MAP7D2: variants seen among roughly 807,000 people sequenced by gnomAD.
MAP7D2 encodes the protein MAP7 domain-containing protein 2.
Under a neutral mutation model 63.5 loss-of-function variants are expected in MAP7D2, and 33 were observed. The ratio of observed to expected loss-of-function variants is 0.52; its 90% confidence interval spans 0.39 to 0.70. The LOEUF is 0.70. MAP7D2 is among the 30% of genes least tolerant of loss of function. MAP7D2 has a pLI of 0.00. For synonymous variants in MAP7D2, 224 were observed against 223.7 expected, an observed-to-expected ratio of 1.00 and a Z score of -0.01; for missense variants, 626 against 604.0, an observed-to-expected ratio of 1.04 and a Z score of -0.38.
rs760107993 is a variant in MAP7D2 at position 20,020,070 on chromosome X, C to T, written c.1413-3745G>A. Among the ~76,000 whole-genome samples the T allele has an allele frequency of 5.9e-4, 66 of 112,207 alleles. 1 individual carries two copies. The highest frequency in any genetic ancestry group is 2.1e-3 in the African/African-American group (64 of 30,922). ...GTCATCTTCCTTAGTTGATGCTTAT[C>T]ACCAACTGCTATACAGAGAAGACTG... On this transcript the variant is annotated intron_variant, in intron 10 of 16. Transcript: ENST00000379643.
Position 20,116,735 on chromosome X carries a change from C to G in MAP7D2, c.130+15G>C. 8.6e-7 allele frequency: 1 copy of G among 1,167,224 alleles called. No individual in the cohort carries two copies. The highest frequency in any genetic ancestry group is 1.1e-6 in the Non-Finnish European group (1 of 874,326). The stretch of plus-strand genomic sequence containing the variant: ...CCGAAGCCCTCGGGCGCCCGCCACA[C>G]TCTGGGGATAATACCTTGAGGCCGG... On this transcript the variant is annotated intron_variant, in intron 1 of 16. Transcript: ENST00000379643.
intron 11 of MAP7D2, 51 bp from the exon 12 acceptor site, chrX:20,015,378 G>A: frequency 3.0e-6 from 3 of 1,016,897 alleles, no homozygotes; most frequent in Non-Finnish European, 4.2e-6. Context: ...TAAGAAAACA[G>A]TGTGGTAATT....
At chrX:20,011,394 C>A (rs769164610) in intron 15 of MAP7D2, among the ~76,000 whole-genome samples, 1 of 112,351 alleles carries the variant, frequency 8.9e-6, no homozygotes, top group South Asian at 3.7e-4. Context: ...CTAAATGGGA[C>A]ATTCAGACAG....
At chrX:20,033,460 T>C (rs1010510871) in intron 8 of MAP7D2, among the ~76,000 whole-genome samples, 1 of 112,293 alleles carries the variant, frequency 8.9e-6, no homozygotes, top group Non-Finnish European at 1.9e-5. Flanking sequence ...AACAAAGCTA[T>C]GCTCCATCTA....
chrX:20,035,496 T>C (rs764983335), intron 8 of MAP7D2, among the ~76,000 whole-genome samples: 1 of 112,104 alleles, frequency 8.9e-6, no homozygotes, highest in Non-Finnish European at 1.9e-5. Context: ...AATTAAATTT[T>C]TTTTCTCTAA....
chrX:20,082,000 C>A (rs1013416372), intron 1 of MAP7D2, among the ~76,000 whole-genome samples: 2 of 111,551 alleles, frequency 1.8e-5, no homozygotes, highest in African/African-American at 6.5e-5. Context: ...ATGTGAACTG[C>A]TTGCTCTCCT....
At chrX:20,105,086 T>C (rs756703938) in intron 1 of MAP7D2, among the ~76,000 whole-genome samples, 2 of 111,900 alleles carry the variant, frequency 1.8e-5, no homozygotes, top group Non-Finnish European at 3.8e-5. Flanking sequence ...AACAGGGACA[T>C]AGAGCACTGC....
At chrX:20,050,973 T>A in intron 5 of MAP7D2, 27 bp from the exon 6 acceptor site, 2 of 1,107,462 alleles carry the variant, frequency 1.8e-6, no homozygotes, top group Non-Finnish European at 2.4e-6. Context: ...AATGAAAATT[T>A]TAAAAAGCAA....
chrX:20,087,956 C>T (rs1254531328), intron 1 of MAP7D2, among the ~76,000 whole-genome samples: 1 of 88,871 alleles, frequency 1.1e-5, no homozygotes, highest in Non-Finnish European at 2.1e-5. Flanking sequence ...ATGGCGCTAT[C>T]TCGGGTCACT....
chrX:20,110,939 G>C (rs1316060974), intron 1 of MAP7D2, among the ~76,000 whole-genome samples: 2 of 111,486 alleles, frequency 1.8e-5, no homozygotes, highest in Non-Finnish European at 3.8e-5. Flanking sequence ...AATCTAGGCT[G>C]GCCTTGGGAC....
chrX:20,095,447 G>A (rs2066231682), intron 1 of MAP7D2, among the ~76,000 whole-genome samples: 1 of 111,227 alleles, frequency 9.0e-6, no homozygotes, highest in African/African-American at 3.3e-5. Context: ...GCTGAGGTGG[G>A]AGGATAACTT....
chrX:20,113,918 G>A (rs921556354), intron 1 of MAP7D2, among the ~76,000 whole-genome samples: 4 of 111,564 alleles, frequency 3.6e-5, no homozygotes, highest in Non-Finnish European at 5.7e-5. Flanking sequence ...CAAATACCAG[G>A]CCTTATTAAT....
intron 5 of MAP7D2, among the ~76,000 whole-genome samples, chrX:20,051,561 A>AC (rs2064951497): frequency 9.8e-6 from 1 of 102,542 alleles, no homozygotes; most frequent in Non-Finnish European, 2.0e-5. Flanking sequence ...AAAAACAAAC[A>AC]AAAAAAAAAC....
chrX:20,116,594 G>A, intron 1 of MAP7D2, 156 bp downstream of exon 1: 7 of 975,738 alleles, frequency 7.2e-6, no homozygotes, highest in Non-Finnish European at 9.0e-6. Flanking sequence ...TTGGATGCAC[G>A]TCCGGACGAT....
chrX:20,032,354 A>G lies in MAP7D2; in HGVS notation c.1008-6402T>C, dbSNP rs1043719208. On this transcript the variant is annotated intron_variant, in intron 8 of 16. Coordinates refer to ENST00000379643, the MANE Select transcript of MAP7D2 (RefSeq NM_001168465.2). The stretch of plus-strand genomic sequence containing the variant: ...AGTTAAGTCGCCCTTGTGGGAGCCT[A>G]GTGTGCTGTAGATGCTTATCTGTGG... Among the ~76,000 whole-genome samples, 3 of 111,322 alleles carry G rather than the reference A, an allele frequency of 2.7e-5. No homozygotes were observed. The Admixed American group carries it at 2.9e-4, about 11-fold the overall frequency.
rs760205751 is a variant in MAP7D2, at chrX:20,099,781, C to T, written c.130+16969G>A. On this transcript the variant is annotated intron_variant, in intron 1 of 16. Coordinates refer to ENST00000379643, the MANE Select transcript of MAP7D2 (RefSeq NM_001168465.2). The stretch of plus-strand genomic sequence containing the variant: ...CCTGCAAAGGGTCCAAGATCAGACT[C>T]CCCAGTAGCCAGCTGGAACTGTATT... Among the ~76,000 whole-genome samples, 4 of 112,274 alleles carry T rather than the reference C, an allele frequency of 3.6e-5. No homozygotes were observed. In the East Asian group the frequency reaches 8.4e-4, roughly 24 times the overall value.
At position 20,049,812 on chromosome X, in the gene MAP7D2, G is replaced by A. The variant is rs1173894767; in HGVS notation, c.718+1012C>T. ...TACATTCCCACCAGCAGTGTGTGAG[G>A]GAAGAGTGTCTCCACACCTCCACCA... is the stretch of plus-strand genomic sequence containing the variant. On this transcript the variant is annotated intron_variant, in intron 6 of 16. Transcript: ENST00000379643. 5 of 320,971 alleles carry A rather than the reference G, an allele frequency of 1.6e-5. No individual in the cohort carries two copies. The Admixed American group carries it at 1.6e-4, about 10-fold the overall frequency. The allele number at this position is 320,971 out of a possible 1,213,427, so 26.5% of individuals were successfully genotyped here.
chrX:20,053,466 T>TC (rs1385934037), intron 4 of MAP7D2, among the ~76,000 whole-genome samples: 2 of 112,165 alleles, frequency 1.8e-5, no homozygotes, highest in African/African-American at 6.5e-5. Flanking sequence ...ATGAAATCCG[T>TC]CCTCTCAGAG....
intron 10 of MAP7D2, among the ~76,000 whole-genome samples, chrX:20,017,343 T>C (rs1461075551): frequency 1.8e-5 from 2 of 112,319 alleles, no homozygotes; most frequent in Non-Finnish European, 3.8e-5. Context: ...CAATGTCCTT[T>C]AAAGTGCACC....
Sources: allele counts gnomAD v4.1 joint callset (sites outside exome capture counted in the v4.1 genomes callset), GRCh38; gene constraint gnomAD v4.1.1; transcripts MANE v1.5; gene names NCBI Gene and HGNC (gene_info 2026-07-23, HGNC 2026-07-21).